The following RNF217 variants were observed in gnomAD, a reference collection of about 807,000 sequenced individuals.
RNF217 encodes ring finger protein 217.
A neutral mutation model predicts 57.8 loss-of-function variants in RNF217; 31 were observed. The ratio of observed to expected loss-of-function variants is 0.54; its 90% CI spans 0.40 to 0.72. RNF217 has a LOEUF of 0.72. Among genes scored for constraint, RNF217 ranks in the 30% least tolerant of loss-of-function variants. The pLI is 0.00. For missense variants in RNF217, 696 were observed against 708.3 expected, an observed-to-expected ratio of 0.98 and a Z score of 0.20; for synonymous variants, 313 against 294.0, an observed-to-expected ratio of 1.06 and a Z score of -0.66.
chr6:124,990,234 G>A (rs1354095913), intron 1 of RNF217, among the ~76,000 whole-genome samples: 21 of 151,966 alleles, frequency 1.4e-4, no homozygotes. Flanking sequence ...CTTAACTTTT[G>A]TTTTAACTCT....
rs531770815 is a variant in RNF217, at chr6:125,019,010, C to A, written c.883-26201C>A. Among the ~76,000 whole-genome samples, 4 of 152,262 alleles carry A rather than the reference C, an allele frequency of 2.6e-5. 1 individual carries two copies. In the East Asian group the frequency reaches 7.7e-4, roughly 29 times the overall value. The stretch of plus-strand genomic sequence containing the variant: ...AGGATTCTTCTCTGGGGAAAGTGTA[C>A]AGCCCCAAGGAAAAGATCCTAGGTT... On this transcript the variant is annotated intron_variant, in intron 1 of 5. Coordinates refer to ENST00000521654, the MANE Select transcript of RNF217 (RefSeq NM_001286398.3).
intron 1 of RNF217, among the ~76,000 whole-genome samples, chr6:125,023,843 G>A (rs1785955107): frequency 6.6e-6 from 1 of 152,114 alleles, no homozygotes; most frequent in Admixed American, 6.5e-5. Flanking sequence ...ATGCCACATG[G>A]TCCCCCTTTA....
At chr6:125,072,101 G>C (rs1200312937) in intron 3 of RNF217, among the ~76,000 whole-genome samples, 1 of 152,080 alleles carries the variant, frequency 6.6e-6, no homozygotes, top group Non-Finnish European at 1.5e-5. Context: ...GGTGTACTTG[G>C]GGAATTCATC....
chr6:125,035,080 G>C (rs1211840288), intron 1 of RNF217, among the ~76,000 whole-genome samples: 1 of 152,094 alleles, frequency 6.6e-6, no homozygotes, highest in African/African-American at 2.4e-5. Context: ...TTGCTTATCA[G>C]CTTAAGGAGA....
At chr6:124,972,139 A>T (rs911068926) in intron 1 of RNF217, among the ~76,000 whole-genome samples, 1 of 152,112 alleles carries the variant, frequency 6.6e-6, no homozygotes, top group Non-Finnish European at 1.5e-5. Flanking sequence ...CTTTTTTGAG[A>T]TTCCCTGTTT....
chr6:124,971,517 A>T (rs916693514), intron 1 of RNF217: 1 of 315,224 alleles, frequency 3.2e-6, no homozygotes, highest in Non-Finnish European at 6.3e-6. Flanking sequence ...GTGCAGTGGC[A>T]TGATCTCGGC....
intron 1 of RNF217, among the ~76,000 whole-genome samples, chr6:124,966,039 C>G: frequency 6.6e-6 from 1 of 152,164 alleles, no homozygotes; most frequent in East Asian, 1.9e-4. Context: ...TCTGCATTGG[C>G]ACTAAATTCT....
chr6:124,992,626 A>C (rs1454209103), intron 1 of RNF217, among the ~76,000 whole-genome samples: 1 of 152,186 alleles, frequency 6.6e-6, no homozygotes, highest in Non-Finnish European at 1.5e-5. Flanking sequence ...ATTTTGTTTC[A>C]GAATGTGGAT....
chr6:125,022,451 G>T (rs2039493), intron 1 of RNF217, among the ~76,000 whole-genome samples: 78,047 of 152,020 alleles, frequency 0.51, 22,686 homozygotes, highest in Non-Finnish European at 0.66. Flanking sequence ...TAGGAAGGAT[G>T]AGCAGGCTGA....
intron 1 of RNF217, among the ~76,000 whole-genome samples, chr6:125,004,814 G>GT: frequency 6.6e-6 from 1 of 152,138 alleles, no homozygotes; most frequent in Non-Finnish European, 1.5e-5. Flanking sequence ...AACTATACAG[G>GT]TTTTTTCAGT....
chr6:125,007,399 C>A (rs1785231623), intron 1 of RNF217, among the ~76,000 whole-genome samples: 2 of 151,982 alleles, frequency 1.3e-5, no homozygotes, highest in Admixed American at 1.3e-4. Flanking sequence ...GCATGCGCCA[C>A]CAAGCCCGGC....
intron 1 of RNF217, among the ~76,000 whole-genome samples, chr6:124,988,534 T>A (rs1050022817): frequency 2.6e-5 from 4 of 152,208 alleles, no homozygotes; most frequent in Admixed American, 6.5e-5. Flanking sequence ...ACAAAGTACC[T>A]GCTGATAAGT....
chr6:125,074,555 A>G (rs558888113), intron 3 of RNF217, among the ~76,000 whole-genome samples: 2 of 152,306 alleles, frequency 1.3e-5, no homozygotes, highest in South Asian at 4.1e-4. Context: ...TAGGAACTTC[A>G]AAAACTTTTT....
At chr6:124,990,607 T>C (rs754231286) in intron 1 of RNF217, among the ~76,000 whole-genome samples, 33 of 152,224 alleles carry the variant, frequency 2.2e-4, no homozygotes, top group Admixed American at 1.4e-3. Flanking sequence ...TTATTTTTCA[T>C]GTGTGATTGT....
intron 1 of RNF217, among the ~76,000 whole-genome samples, chr6:124,967,713 G>A (rs992843208): frequency 6.6e-6 from 1 of 152,186 alleles, no homozygotes; most frequent in African/African-American, 2.4e-5. Context: ...AGAGGTGAAA[G>A]CTTATATATC....
chr6:125,029,831 T>C (rs545873740), intron 1 of RNF217, among the ~76,000 whole-genome samples: 147 of 152,352 alleles, frequency 9.6e-4, no homozygotes, highest in Non-Finnish European at 4.1e-4. Flanking sequence ...AAAGGAACAT[T>C]GCTATCTGTG....
At position 125,022,298 on chromosome 6, in the gene RNF217, AT is replaced by A. The variant is rs926747382; in HGVS notation, c.883-22910del. Reference sequence around the variant, plus strand: ...AGAGATTATTCAACAGTTATGTAAAATTTATATAGCTCCATTATATACAGTA... The same window carrying A: ...AGAGATTATTCAACAGTTATGTAAAATTATATAGCTCCATTATATACAGTA... On this transcript the variant is annotated intron_variant, in intron 1 of 5. Coordinates refer to ENST00000521654, the MANE Select transcript of RNF217 (RefSeq NM_001286398.3). Among the ~76,000 whole-genome samples, 4 of 152,238 alleles carry A rather than the reference AT, an allele frequency of 2.6e-5. No individual in the cohort carries two copies. In the East Asian group the frequency reaches 7.7e-4, roughly 29 times the overall value.
At chr6:125,006,252 G>A (rs534403855) in intron 1 of RNF217, 3 of 152,226 alleles carry the variant, frequency 2.0e-5, no homozygotes, top group South Asian at 2.1e-4. Context: ...CTTTTGACTC[G>A]AGTTTCCAAA....
At chr6:124,996,568 C>T (rs772776957) in intron 1 of RNF217, 6 of 151,902 alleles carry the variant, frequency 3.9e-5, no homozygotes, top group Non-Finnish European at 8.8e-5. Context: ...GAATTCTGTC[C>T]CCACAGCTCT....
Sources: gnomAD v4.1 joint callset for allele counts (sites outside exome capture counted in the v4.1 genomes callset) on GRCh38, gnomAD v4.1.1 for gene constraint, MANE v1.5 for transcripts, NCBI Gene and HGNC (gene_info 2026-07-23, HGNC 2026-07-21) for gene names.